The following SLC8A1 variants were observed in gnomAD, a reference collection of about 807,000 sequenced individuals.
SLC8A1 encodes the protein solute carrier family 8 member A1.
Under a neutral mutation model 68.3 loss-of-function variants are expected in SLC8A1, and 18 were observed. The observed-to-expected ratio is 0.26, with a 90% CI of 0.18 to 0.39. The LOEUF is 0.39. Ranked by LOEUF, SLC8A1 falls within the 10% of genes least tolerant of loss-of-function variation. The probability of loss-of-function intolerance (pLI) is 1.00; values close to 1 mark genes in which losing one functional copy is unlikely to be tolerated. For missense variants in SLC8A1, 985 were observed against 1,156.7 expected, an observed-to-expected ratio of 0.85 and a Z score of 2.15; for synonymous variants, 475 against 415.5, an observed-to-expected ratio of 1.14 and a Z score of -1.74.
intron 2 of SLC8A1, among the ~76,000 whole-genome samples, chr2:40,342,257 G>C (rs1667931945): frequency 6.6e-6 from 1 of 152,038 alleles, no homozygotes; most frequent in Non-Finnish European, 1.5e-5. Context: ...TTATTAAATG[G>C]CCTATATATA....
chr2:40,113,955 A>G (rs2034903023), exon 8 of SLC8A1: 1 of 152,770 alleles, frequency 6.5e-6, no homozygotes, highest in Admixed American at 6.5e-5. Context: ...TTAGAAATGA[A>G]TGTGCAGAAC....
Position 40,131,858 on chromosome 2 carries a change from A to ATTTTTTT in SLC8A1, c.2437+7536_2437+7542dup, listed in dbSNP as rs71404277. Among the ~76,000 whole-genome samples the ATTTTTTT allele has an allele frequency of 2.9e-4, 28 of 95,550 alleles. 1 individual carries two copies. The highest frequency in any genetic ancestry group is 7.5e-4 in the Admixed American group (6 of 8,026). The allele number at this position is 95,550 out of a possible 152,430, so 62.7% of individuals were successfully genotyped here. ...CTGATGAGGATTATCTTGGTATTCT[A>ATTTTTTT]TTTTTTTTTTTTTTTTTTTTTTTTT... On this transcript the variant is annotated intron_variant, in intron 7 of 7. Coordinates refer to ENST00000406785, the Ensembl canonical transcript of SLC8A1.
Position 40,163,835 on chromosome 2 carries a change from C to T in SLC8A1, c.2061+1019G>A, listed in dbSNP as rs559184162. Among the ~76,000 whole-genome samples the T allele has an allele frequency of 2.0e-5, 3 of 152,292 alleles. No homozygotes were observed. In the East Asian group the frequency reaches 5.8e-4, roughly 29 times the overall value. ...TGTTTTCCACCTGTCTCCTATCAGG[C>T]ACCTCCATTTGTGAAGTAAATTAAA... is the stretch of plus-strand genomic sequence containing the variant. On this transcript the variant is annotated intron_variant, in intron 5 of 7. Transcript: ENST00000406785.
chr2:40,262,728 T>G (rs544263203), intron 2 of SLC8A1, among the ~76,000 whole-genome samples: 3 of 152,328 alleles, frequency 2.0e-5, no homozygotes, highest in African/African-American at 7.2e-5. Context: ...GCTCGAGTAA[T>G]GCATATATGG....
At chr2:40,322,486 A>T (rs13415974) in intron 2 of SLC8A1, among the ~76,000 whole-genome samples, 13,151 of 142,080 alleles carry the variant, frequency 0.093, 895 homozygotes, top group African/African-American at 0.2. Flanking sequence ...GAGAGACCTC[A>T]TCTCTACAAA....
intron 4 of SLC8A1, among the ~76,000 whole-genome samples, chr2:40,173,883 ACT>A (rs1479119087): frequency 2.0e-5 from 3 of 152,142 alleles, no homozygotes; most frequent in African/African-American, 7.2e-5. Flanking sequence ...TGCACAGATG[ACT>A]CTAAAAGGGT....
intron 2 of SLC8A1, among the ~76,000 whole-genome samples, chr2:40,314,530 CA>C (rs766929438): frequency 5.6e-4 from 82 of 145,240 alleles, no homozygotes; most frequent in African/African-American, 1.2e-3. Context: ...AAATTTACAC[CA>C]AAAAAAAAAT....
intron 1 of SLC8A1, among the ~76,000 whole-genome samples, chr2:40,487,334 G>A (rs1705033242): frequency 6.6e-6 from 1 of 152,040 alleles, no homozygotes; most frequent in Non-Finnish European, 1.5e-5. Context: ...GGTATCTAAT[G>A]TGCATTTTTC....
At position 40,220,169 on chromosome 2, in the gene SLC8A1, AAAG is replaced by A. The variant is rs912844049; in HGVS notation, c.1809-42317_1809-42315del. ...TAGGCTTTTTTTTTTTTTTGAGGAA[AAAG>A]AAGAAAGAGAAAGAGACAAAGGAAA... On this transcript the variant is annotated intron_variant, in intron 2 of 7. Transcript: ENST00000406785. 5 of 151,560 alleles carry A rather than the reference AAAG, an allele frequency of 3.3e-5. No individual in the cohort carries two copies. The Admixed American group carries it at 3.3e-4, about 10-fold the overall frequency. The allele number at this position is 151,560 out of a possible 1,614,324, so 9.4% of individuals were successfully genotyped here.
At position 40,199,897 on chromosome 2, in the gene SLC8A1, A is replaced by G. The variant is rs888441085; in HGVS notation, c.1809-22042T>C. Among the ~76,000 whole-genome samples, 9 of 151,468 alleles carry G rather than the reference A, an allele frequency of 5.9e-5. No homozygotes were observed. The Admixed American group carries it at 6.0e-4, about 10-fold the overall frequency. On this transcript the variant is annotated intron_variant, in intron 2 of 7. Transcript: ENST00000406785. The stretch of plus-strand genomic sequence containing the variant: ...GGCAAAGGCAAGACTCTCTTCCCCC[A>G]ATTCATTCATCCTGATAGAGATTGA...
intron 1 of SLC8A1, among the ~76,000 whole-genome samples, chr2:40,476,929 T>A (rs1185605276): frequency 1.3e-5 from 2 of 152,192 alleles, no homozygotes; most frequent in Non-Finnish European, 2.9e-5. Flanking sequence ...ATTTAATGCC[T>A]ACTGCATATT....
chr2:40,421,083 C>G (rs1050600201), intron 2 of SLC8A1, among the ~76,000 whole-genome samples: 1 of 152,014 alleles, frequency 6.6e-6, no homozygotes, highest in African/African-American at 2.4e-5. Flanking sequence ...ACCACCACCA[C>G]CAACACCAAA....
intron 2 of SLC8A1, among the ~76,000 whole-genome samples, chr2:40,335,604 A>T (rs775863785): frequency 5.3e-5 from 8 of 152,262 alleles, no homozygotes; most frequent in Non-Finnish European, 1.0e-4. Flanking sequence ...TGTGAATAAT[A>T]CAAAAATATC....
At chr2:40,233,065 G>GC in intron 2 of SLC8A1, among the ~76,000 whole-genome samples, 1 of 152,226 alleles carries the variant, frequency 6.6e-6, no homozygotes, top group South Asian at 2.1e-4. Context: ...ACATACGTGT[G>GC]CATGTGTCTT....
chr2:40,303,167 C>T (rs747643411), intron 2 of SLC8A1, among the ~76,000 whole-genome samples: 5 of 152,144 alleles, frequency 3.3e-5, no homozygotes, highest in Non-Finnish European at 7.3e-5. Flanking sequence ...GCTGACCATA[C>T]GCTGCTATGT....
At chr2:40,369,615 T>C (rs556526909) in intron 2 of SLC8A1, among the ~76,000 whole-genome samples, 1 of 152,268 alleles carries the variant, frequency 6.6e-6, no homozygotes, top group Non-Finnish European at 1.5e-5. Flanking sequence ...CCAGCTCTAA[T>C]GTCCTGTCCA....
intron 2 of SLC8A1, among the ~76,000 whole-genome samples, chr2:40,408,268 A>C (rs965648969): frequency 6.6e-6 from 1 of 152,182 alleles, no homozygotes; most frequent in Middle Eastern, 3.2e-3. Context: ...TACCTTCAAA[A>C]GTCTTTATGT....
chr2:40,364,870 AT>A (rs1347949965), intron 2 of SLC8A1, among the ~76,000 whole-genome samples: 1 of 151,858 alleles, frequency 6.6e-6, no homozygotes, highest in African/African-American at 2.4e-5. Flanking sequence ...TTTTCTTTTA[AT>A]TTTTTTTCTT....
intron 2 of SLC8A1, among the ~76,000 whole-genome samples, chr2:40,238,665 C>G (rs1333795572): frequency 2.6e-5 from 4 of 152,194 alleles, no homozygotes; most frequent in Non-Finnish European, 5.9e-5. Flanking sequence ...ATTCCCCAAG[C>G]TAGAGCTATG....
Sources: allele counts gnomAD v4.1 joint callset (sites outside exome capture counted in the v4.1 genomes callset), GRCh38; gene constraint gnomAD v4.1.1; transcripts MANE v1.5; gene names NCBI Gene and HGNC (gene_info 2026-07-23, HGNC 2026-07-21).